Variants in DRP2 observed in about 807,000 individuals in gnomAD.
DRP2 encodes the protein dystrophin-related protein 2.
Under a neutral mutation model 78.2 loss-of-function variants are expected in DRP2, and 29 were observed. That is an observed-to-expected ratio of 0.37 (90% CI 0.28 to 0.51). The LOEUF (loss-of-function observed/expected upper bound fraction) is 0.51. Ranked by LOEUF, DRP2 falls within the 20% of genes least tolerant of loss-of-function variation. The pLI is 0.94. For missense variants in DRP2, 686 were observed against 770.6 expected, an observed-to-expected ratio of 0.89 and a Z score of 1.30; for synonymous variants, 290 against 281.9, an observed-to-expected ratio of 1.03 and a Z score of -0.29.
rs182301155 is a variant in DRP2, at chrX:101,262,944, A to G, written c.*2323A>G. 2.2e-4 allele frequency: 24 copies of G among 111,140 alleles called. No individual in the cohort carries two copies. The highest frequency in any genetic ancestry group is 7.5e-4 in the African/African-American group (23 of 30,502). The allele number at this position is 111,140 out of a possible 1,213,427, so 9.2% of individuals were successfully genotyped here. On this transcript the variant is annotated 3_prime_UTR_variant, in exon 24 of 24. Coordinates refer to ENST00000395209, the MANE Select transcript of DRP2 (RefSeq NM_001939.3). Reference sequence around the variant, plus strand: ...CTGGAAAATCTTTTCTGTTATCCCCACCCCACCTGAGAGCTCTTGGGCTGC... The same window carrying G: ...CTGGAAAATCTTTTCTGTTATCCCCGCCCCACCTGAGAGCTCTTGGGCTGC...
At chrX:101,257,354 G>T (rs769869850) in intron 21 of DRP2, among the ~76,000 whole-genome samples, 1 of 98,709 alleles carries the variant, frequency 1.0e-5, no homozygotes, top group South Asian at 5.0e-4. Context: ...CAAGTCTTTA[G>T]AACAGTGCTA....
In DRP2 at chrX:101,225,376, C is replaced by A. The variant is rs1385701231; in HGVS notation, c.-64+670C>A. Among the ~76,000 whole-genome samples, 5 of 111,258 alleles carry A rather than the reference C, an allele frequency of 4.5e-5. 1 individual carries two copies. ...TCTAGAATTTACAGAGGCAGAATAG[C>A]ATAATGATAAATAACTTGTATTCTG... On this transcript the variant is annotated intron_variant, in intron 2 of 23. Transcript: ENST00000395209.
chrX:101,252,769 C>T (rs1351687292), intron 17 of DRP2, 53 bp downstream of exon 17: 51 of 989,584 alleles, frequency 5.2e-5, no homozygotes, highest in Non-Finnish European at 6.6e-5. Context: ...AGGTACTAGG[C>T]CTTGATCCAC....
Position 101,253,709 on chromosome X carries a change from A to G in DRP2, c.1978-716A>G, listed in dbSNP as rs186083713. Among the ~76,000 whole-genome samples the G allele has an allele frequency of 2.8e-5, 3 of 108,140 alleles. No individual in the cohort carries two copies. In the East Asian group the frequency reaches 8.7e-4, roughly 31 times the overall value. The allele number at this position is 108,140 out of a possible 115,157, so 93.9% of individuals were successfully genotyped here. A position where few individuals can be genotyped will look rare whatever the true frequency, so the allele number is the denominator to read the frequency against. On this transcript the variant is annotated intron_variant, in intron 17 of 23. Transcript: ENST00000395209. ...CTCCTATTTTTCAACCTGTTTCCCC[A>G]CAATCCATCTGTCCAAGCTTTCATC...
At chrX:101,251,208 T>C in intron 16 of DRP2, 125 bp downstream of exon 16, 2 of 602,430 alleles carry the variant, frequency 3.3e-6, no homozygotes, top group Non-Finnish European at 4.9e-6. Flanking sequence ...TGTACATTAT[T>C]ATATACTGTT....
In DRP2 at chrX:101,261,395, A is replaced by G. The variant is rs1018209240; in HGVS notation, c.*774A>G. On this transcript the variant is annotated 3_prime_UTR_variant, in exon 24 of 24. Coordinates refer to ENST00000395209, the MANE Select transcript of DRP2 (RefSeq NM_001939.3). ...AAGTCCTCAGCATTTTGAGAGACCC[A>G]CTGAGTTGCGAGTTGCTCTGGAAAC... 4 of 110,558 alleles carry G rather than the reference A, an allele frequency of 3.6e-5. No homozygotes were observed. Among genetic ancestry groups the G allele is most frequent in the African/African-American group, 6.6e-5 (2 of 30,297 alleles). The allele number at this position is 110,558 out of a possible 1,213,427, so 9.1% of individuals were successfully genotyped here. A position where few individuals can be genotyped will look rare whatever the true frequency, so the allele number is the denominator to read the frequency against.
intron 2 of DRP2, among the ~76,000 whole-genome samples, chrX:101,226,040 A>T (rs1922106533): frequency 8.9e-6 from 1 of 111,785 alleles, no homozygotes; most frequent in African/African-American, 3.2e-5. Flanking sequence ...ACTTCCAAAG[A>T]TATTTTTTTG....
intron 22 of DRP2, among the ~76,000 whole-genome samples, chrX:101,259,451 C>T (rs774439796): frequency 2.1e-4 from 23 of 111,008 alleles, no homozygotes; most frequent in Non-Finnish European, 4.3e-4. Flanking sequence ...GCTGAAATGA[C>T]AGCAAGAGAC....
chrX:101,231,534 C>A (rs1922307755), intron 2 of DRP2, 51 bp from the exon 3 acceptor site: 6 of 684,048 alleles, frequency 8.8e-6, no homozygotes, highest in Admixed American at 4.5e-5. Flanking sequence ...ATGCTTGATT[C>A]ATAGGCTTTT....
rs758503281 is a variant in DRP2, at chrX:101,264,192, C to T, written c.*3571C>T. The T allele has an allele frequency of 3.6e-5, 4 of 112,196 alleles. No individual in the cohort carries two copies. The highest frequency in any genetic ancestry group is 7.5e-5 in the Non-Finnish European group (4 of 53,257). The allele number at this position is 112,196 out of a possible 1,213,427, so 9.2% of individuals were successfully genotyped here. A position where few individuals can be genotyped will look rare whatever the true frequency, so the allele number is the denominator to read the frequency against. ...AAAGGCTCAAGGCCAGGGCTCAGCT[C>T]GCAGAGTCCATCTTCTCCCACAGTT... On this transcript the variant is annotated 3_prime_UTR_variant, in exon 24 of 24. Coordinates refer to ENST00000395209, the MANE Select transcript of DRP2 (RefSeq NM_001939.3).
chrX:101,226,077 A>G (rs1922108675), intron 2 of DRP2, among the ~76,000 whole-genome samples: 1 of 111,812 alleles, frequency 8.9e-6, no homozygotes, highest in Non-Finnish European at 1.9e-5. Context: ...TTTTTAGTAT[A>G]CAAATGTAGA....
In DRP2 at chrX:101,261,350, C is replaced by T. The variant is rs1252152863; in HGVS notation, c.*729C>T. ...TATGGGTTTAGATTTTTTTTTTGCC[C>T]CACATCTTCCTATTTCTTAAAGTCC... On this transcript the variant is annotated 3_prime_UTR_variant, in exon 24 of 24. Coordinates refer to ENST00000395209, the MANE Select transcript of DRP2 (RefSeq NM_001939.3). 1 of 109,906 alleles carries T rather than the reference C, an allele frequency of 9.1e-6. No homozygotes were observed. The highest frequency in any genetic ancestry group is 3.3e-5 in the African/African-American group (1 of 30,194). The allele number at this position is 109,906 out of a possible 1,213,427, so 9.1% of individuals were successfully genotyped here.
chrX:101,233,006 G>A (rs1436662098), intron 3 of DRP2, among the ~76,000 whole-genome samples: 1 of 112,410 alleles, frequency 8.9e-6, no homozygotes, highest in African/African-American at 3.2e-5. Context: ...GCCTTGAGGG[G>A]AGTGGGGTGC....
intron 23 of DRP2, 51 bp downstream of exon 23, chrX:101,260,220 C>T (rs1923498489): frequency 8.4e-7 from 1 of 1,194,864 alleles, no homozygotes; most frequent in Non-Finnish European, 1.1e-6. Context: ...TTTGTCCTGC[C>T]CTCGATTTCC....
In DRP2 at chrX:101,224,182, G is replaced by GTT. The variant is rs1214156680; in HGVS notation, c.-166-415_-166-414dup. Among the ~76,000 whole-genome samples, 14 of 44,217 alleles carry GTT rather than the reference G, an allele frequency of 3.2e-4. 1 individual carries two copies. Among genetic ancestry groups the GTT allele is most frequent in the East Asian group, 5.6e-4 (1 of 1,794 alleles). The allele number at this position is 44,217 out of a possible 115,157, so 38.4% of individuals were successfully genotyped here. A position where few individuals can be genotyped will look rare whatever the true frequency, so the allele number is the denominator to read the frequency against. On this transcript the variant is annotated intron_variant, in intron 1 of 23. Coordinates refer to ENST00000395209, the MANE Select transcript of DRP2 (RefSeq NM_001939.3). ...CCCAAGAATAATAAATGTTTGCTGGGTTTTTTTTGTTTTTTTTTTTTTTTT... is the reference window on the plus strand; with the variant it reads ...CCCAAGAATAATAAATGTTTGCTGGGTTTTTTTTTTGTTTTTTTTTTTTTTTT...
In DRP2 at chrX:101,251,017, T is replaced by A. The variant is rs770039014; in HGVS notation, c.1799T>A (p.Ile600Asn). 3.3e-6 allele frequency: 4 copies of A among 1,211,949 alleles called. No homozygotes were observed. The highest frequency in any genetic ancestry group is 4.5e-6 in the Non-Finnish European group (4 of 895,504). Residue 600 changes from isoleucine to asparagine, a missense_variant, in exon 16 of 24, where the codon ATT (isoleucine) becomes AAT (asparagine). Coordinates refer to ENST00000395209, the MANE Select transcript of DRP2 (RefSeq NM_001939.3). ...CTGGCTGTTCTGCATCGGGTCACCA[T>A]TGCTGAGCAAGTGAAGCATCAGACC... ...VWLAVLHRVT[I>N]AEQVKHQTKC... is the part of the protein sequence containing the mutation.
In DRP2 at chrX:101,263,433, G is replaced by T. The variant is rs1460930765; in HGVS notation, c.*2812G>T. 1.8e-5 allele frequency: 2 copies of T among 112,265 alleles called. No homozygotes were observed. The highest frequency in any genetic ancestry group is 3.8e-5 in the Non-Finnish European group (2 of 53,281). 9.3% of individuals were successfully genotyped at this position (112,265 alleles called of 1,213,427 possible). Reference sequence around the variant, plus strand: ...TCAATGATAAGGAATGTGAGCATTTGCTGGGGTTGTTGTCAAATAGTATCA... The same window carrying T: ...TCAATGATAAGGAATGTGAGCATTTTCTGGGGTTGTTGTCAAATAGTATCA... On this transcript the variant is annotated 3_prime_UTR_variant, in exon 24 of 24. Coordinates refer to ENST00000395209, the MANE Select transcript of DRP2 (RefSeq NM_001939.3).
intron 14 of DRP2, 117 bp downstream of exon 14, chrX:101,248,716 G>T (rs956672359): frequency 1.1e-5 from 7 of 635,565 alleles, no homozygotes; most frequent in Non-Finnish European, 1.7e-5. Context: ...AGGGCTACTT[G>T]GGCTACCTTA....
intron 2 of DRP2, among the ~76,000 whole-genome samples, chrX:101,225,512 G>A (rs1437147406): frequency 9.0e-6 from 1 of 111,445 alleles, no homozygotes; most frequent in Non-Finnish European, 1.9e-5. Flanking sequence ...CACACAATGA[G>A]GATAGCAATA....
Sources: allele counts gnomAD v4.1 joint callset (sites outside exome capture counted in the v4.1 genomes callset), GRCh38; gene constraint gnomAD v4.1.1; transcripts MANE v1.5; gene names NCBI Gene and HGNC (gene_info 2026-07-23, HGNC 2026-07-21).